The following SIRPG variants were observed in gnomAD, a reference collection of about 807,000 sequenced individuals.
The protein encoded by SIRPG is signal-regulatory protein gamma.
A neutral mutation model predicts 35.7 loss-of-function variants in SIRPG; 38 were observed. That is an observed-to-expected ratio of 1.06 (90% CI 0.82 to 1.40). The LOEUF (loss-of-function observed/expected upper bound fraction) is 1.40, where lower values mean the gene tolerates loss of function less well. Ranked by LOEUF, SIRPG falls within the 40% of genes most tolerant of loss-of-function variation. SIRPG has a pLI of 0.00. For missense variants in SIRPG, 519 were observed against 483.0 expected (o/e 1.07, Z -0.70); for synonymous variants, 215 against 190.4 (o/e 1.13, Z -1.06).
chr20:1,643,404 G>A (rs186574319), intron 2 of SIRPG, among the ~76,000 whole-genome samples: 23 of 152,170 alleles, frequency 1.5e-4, no homozygotes, highest in Admixed American at 1.1e-3. Context: ...CTTGTGCTAC[G>A]TTTTTTAGCT....
chr20:1,655,317 A>G (rs1183429571), intron 1 of SIRPG, among the ~76,000 whole-genome samples: 1 of 152,240 alleles, frequency 6.6e-6, no homozygotes, highest in Non-Finnish European at 1.5e-5. Flanking sequence ...AAAATGTAGC[A>G]TATATGCACA....
At chr20:1,666,841 T>A in the SIRPG span, among the ~76,000 whole-genome samples, 10 of 151,996 alleles carry the variant, frequency 6.6e-5, no homozygotes, top group Admixed American at 1.3e-4. Flanking sequence ...AAAATATTTT[T>A]AAAAAAATTA....
intron 4 of SIRPG, chr20:1,630,577 C>T (rs779480237): frequency 2.2e-4 from 83 of 379,574 alleles, no homozygotes; most frequent in Non-Finnish European, 3.3e-4. Flanking sequence ...CATGTGGCAA[C>T]GGGGTTCCTC....
the SIRPG span, among the ~76,000 whole-genome samples, chr20:1,679,796 A>G: frequency 2.9e-3 from 437 of 152,230 alleles, 1 homozygote; most frequent in African/African-American, 0.01. Flanking sequence ...TTCCCTTTGA[A>G]TGCTCATGGC....
chr20:1,653,982 G>A (rs2091958967), intron 1 of SIRPG, among the ~76,000 whole-genome samples: 1 of 152,140 alleles, frequency 6.6e-6, no homozygotes, highest in Non-Finnish European at 1.5e-5. Context: ...GCTCATGCCT[G>A]TAATCCCAGC....
intron 1 of SIRPG, among the ~76,000 whole-genome samples, chr20:1,657,011 C>G (rs2091980089): frequency 6.6e-6 from 1 of 152,130 alleles, no homozygotes; most frequent in Admixed American, 6.5e-5. Flanking sequence ...TAAATGAGGT[C>G]ACTGGCGGGG....
Position 1,629,968 on chromosome 20 carries a change from C to G in SIRPG, c.*2+254G>C, listed in dbSNP as rs75592026. Among the ~76,000 whole-genome samples the G allele has an allele frequency of 3.1e-3, 466 of 152,348 alleles. 3 individuals are homozygous for G. The highest frequency in any genetic ancestry group is 0.011 in the African/African-American group (445 of 41,588). ...CAGATAGCCTGCAAGGGACCACCCA[C>G]TCATCACTGCCTCCATGAAACTCCT... On this transcript the variant is annotated intron_variant, in intron 5 of 5. Transcript: ENST00000303415.
chr20:1,635,133 GA>G (rs2122432249), intron 4 of SIRPG, 133 bp downstream of exon 4: 1 of 663,900 alleles, frequency 1.5e-6, no homozygotes, highest in Admixed American at 2.9e-5. Context: ...TCGCATGTGG[GA>G]TTTGGGGGGA....
chr20:1,657,844 G>GGT, upstream of SIRPG: 1 of 767,532 alleles, frequency 1.3e-6, no homozygotes, highest in East Asian at 2.7e-5. Flanking sequence ...GAATGCAACA[G>GGT]TAACCTGCTT....
At chr20:1,664,528 G>A in the SIRPG span, among the ~76,000 whole-genome samples, 10 of 152,224 alleles carry the variant, frequency 6.6e-5, no homozygotes, top group Admixed American at 5.2e-4. Context: ...ACATTCTAGG[G>A]GGATGCTGTG....
chr20:1,667,991 T>C, the SIRPG span, among the ~76,000 whole-genome samples: 1 of 152,200 alleles, frequency 6.6e-6, no homozygotes, highest in Non-Finnish European at 1.5e-5. Flanking sequence ...TCCCTCAAGC[T>C]AATGACACAT....
Position 1,644,166 on chromosome 20 carries a change from A to G in SIRPG, c.430+4886T>C, listed in dbSNP as rs551137756. 2.6e-5 allele frequency among the ~76,000 whole-genome samples: 4 copies of G among 152,330 alleles called. No individual in the cohort carries two copies. The South Asian group carries it at 8.3e-4, about 32-fold the overall frequency. Reference sequence around the variant, plus strand: ...GCTGCCCAGATTTCTCAGAACTAGCAGCAGGAAAAACTAAGTCTGCCAGAC... The same window carrying G: ...GCTGCCCAGATTTCTCAGAACTAGCGGCAGGAAAAACTAAGTCTGCCAGAC... On this transcript the variant is annotated intron_variant, in intron 2 of 5. Transcript: ENST00000303415.
intron 2 of SIRPG, among the ~76,000 whole-genome samples, chr20:1,644,901 G>A (rs1017614941): frequency 2.6e-5 from 4 of 152,138 alleles, no homozygotes. Context: ...TCAGAACCTG[G>A]ATACTTCAGT....
At chr20:1,636,133 G>A (rs571364012) in intron 3 of SIRPG, 55 bp downstream of exon 3, 5 of 1,610,928 alleles carry the variant, frequency 3.1e-6, no homozygotes, top group African/African-American at 1.3e-5. Context: ...CTGGGGAGAG[G>A]GGAGTGGGCT....
the SIRPG span, among the ~76,000 whole-genome samples, chr20:1,669,399 G>A: frequency 5.7e-4 from 87 of 152,316 alleles, no homozygotes; most frequent in Non-Finnish European, 1.0e-3. Context: ...GGGATGTTGC[G>A]GTTATTATTG....
chr20:1,655,218 T>A (rs535615802), intron 1 of SIRPG, among the ~76,000 whole-genome samples: 12 of 152,294 alleles, frequency 7.9e-5, no homozygotes, highest in Admixed American at 7.8e-4. Context: ...CACACATATA[T>A]CTGCACTCCC....
the SIRPG span, among the ~76,000 whole-genome samples, chr20:1,665,556 A>G: frequency 6.0e-4 from 92 of 152,300 alleles, no homozygotes; most frequent in Middle Eastern, 6.8e-3. Context: ...GAAACCAGGG[A>G]AAGAGGCTCC....
chr20:1,642,393 C>T (rs535145183), intron 2 of SIRPG, among the ~76,000 whole-genome samples: 1 of 152,242 alleles, frequency 6.6e-6, no homozygotes, highest in Admixed American at 6.5e-5. Context: ...ATCGCAACCC[C>T]CACCTTCTTT....
chr20:1,636,095 C>T, intron 3 of SIRPG, 93 bp downstream of exon 3: 1 of 1,562,834 alleles, frequency 6.4e-7, no homozygotes, highest in Non-Finnish European at 8.7e-7. Context: ...GATTAGATTA[C>T]AGGCCATTCA....
Sources: allele counts gnomAD v4.1 joint callset (sites outside exome capture counted in the v4.1 genomes callset), GRCh38; gene constraint gnomAD v4.1.1; transcripts MANE v1.5; gene names NCBI Gene and HGNC (gene_info 2026-07-23, HGNC 2026-07-21).